CNTNAP2: variants seen among roughly 807,000 people sequenced by gnomAD.
CNTNAP2 encodes the protein contactin-associated protein-like 2.
A neutral mutation model predicts 155.2 loss-of-function variants in CNTNAP2; 98 were observed. The ratio of observed to expected loss-of-function variants is 0.63; its 90% CI spans 0.54 to 0.75. The LOEUF (loss-of-function observed/expected upper bound fraction) is 0.75. Ranked by LOEUF, CNTNAP2 falls within the 30% of genes least tolerant of loss-of-function variation. CNTNAP2 has a pLI of 0.00. For synonymous variants in CNTNAP2, 651 were observed against 631.2 expected, an observed-to-expected ratio of 1.03 and a Z score of -0.47; for missense variants, 1,727 against 1,688.1, an observed-to-expected ratio of 1.02 and a Z score of -0.40.
At chr7:146,567,131 A>C (rs1278180134) in intron 1 of CNTNAP2, among the ~76,000 whole-genome samples, 1 of 152,174 alleles carries the variant, frequency 6.6e-6, no homozygotes, top group Non-Finnish European at 1.5e-5. Flanking sequence ...GACTTCTGCC[A>C]CCCTTCTGTA....
At chr7:147,246,345 C>A (rs1398290898) in intron 8 of CNTNAP2, among the ~76,000 whole-genome samples, 1 of 152,058 alleles carries the variant, frequency 6.6e-6, no homozygotes, top group Non-Finnish European at 1.5e-5. Context: ...CCTCCCTCTA[C>A]CCTCACCTCA....
At chr7:148,056,004 C>T (rs1803000373) in intron 15 of CNTNAP2, among the ~76,000 whole-genome samples, 1 of 152,170 alleles carries the variant, frequency 6.6e-6, no homozygotes, top group Admixed American at 6.5e-5. Context: ...AGAACTCTAC[C>T]TAACAGAAAG....
chr7:146,604,266 C>T, intron 1 of CNTNAP2, among the ~76,000 whole-genome samples: 1 of 68,108 alleles, frequency 1.5e-5, no homozygotes, highest in Non-Finnish European at 2.6e-5. Flanking sequence ...GGGCGAAGGA[C>T]ATGAACAGAC....
chr7:147,268,668 T>TA (rs1006399422), intron 8 of CNTNAP2, among the ~76,000 whole-genome samples: 6 of 151,674 alleles, frequency 4.0e-5, no homozygotes, highest in Non-Finnish European at 5.9e-5. Context: ...ATAATGATAA[T>TA]AAAAAAAATA....
intron 8 of CNTNAP2, among the ~76,000 whole-genome samples, chr7:147,159,935 A>G (rs960641358): frequency 5.4e-5 from 8 of 148,014 alleles, no homozygotes; most frequent in Admixed American, 4.0e-4. Context: ...ATATGAATCA[A>G]AGTTTTTTTT....
intron 14 of CNTNAP2, among the ~76,000 whole-genome samples, chr7:147,908,359 C>A (rs1399725761): frequency 6.6e-6 from 1 of 152,172 alleles, no homozygotes; most frequent in East Asian, 1.9e-4. Flanking sequence ...TACCAGGAAG[C>A]CCCTGCTTCT....
intron 3 of CNTNAP2, among the ~76,000 whole-genome samples, chr7:146,919,697 A>T (rs1298376540): frequency 2.6e-5 from 4 of 152,178 alleles, no homozygotes; most frequent in African/African-American, 9.7e-5. Flanking sequence ...TCAAGAGCAC[A>T]TCAGCTAAGG....
At chr7:148,119,984 T>G (rs1461821949) in intron 16 of CNTNAP2, among the ~76,000 whole-genome samples, 1 of 151,936 alleles carries the variant, frequency 6.6e-6, no homozygotes. Flanking sequence ...GGATTCTTGC[T>G]TCCCTCAGTT....
chr7:146,172,565 T>G (rs1345278343), intron 1 of CNTNAP2, among the ~76,000 whole-genome samples: 1 of 152,142 alleles, frequency 6.6e-6, no homozygotes, highest in Non-Finnish European at 1.5e-5. Context: ...AGATTAATGA[T>G]TCTGACTATG....
chr7:146,615,871 G>T (rs182549960), intron 1 of CNTNAP2, among the ~76,000 whole-genome samples: 1 of 152,132 alleles, frequency 6.6e-6, no homozygotes, highest in Non-Finnish European at 1.5e-5. Context: ...TCTCAACATC[G>T]TACTGATTCC....
At chr7:148,254,337 C>G (rs1796423383) in intron 20 of CNTNAP2, among the ~76,000 whole-genome samples, 1 of 152,134 alleles carries the variant, frequency 6.6e-6, no homozygotes, top group Non-Finnish European at 1.5e-5. Context: ...CAAATTTAAA[C>G]AAATCAAACC....
chr7:147,253,553 G>T (rs1187615496), intron 8 of CNTNAP2, among the ~76,000 whole-genome samples: 1 of 152,152 alleles, frequency 6.6e-6, no homozygotes, highest in African/African-American at 2.4e-5. Flanking sequence ...GGAAACCAAA[G>T]ATCTCTGAAG....
chr7:148,407,490 GC>G (rs1799728980), intron 22 of CNTNAP2, among the ~76,000 whole-genome samples: 1 of 152,066 alleles, frequency 6.6e-6, no homozygotes, highest in Non-Finnish European at 1.5e-5. Context: ...GATCGTTTGA[GC>G]CCAGGAATTC....
intron 21 of CNTNAP2, among the ~76,000 whole-genome samples, chr7:148,345,547 AT>A (rs1234153758): frequency 1.3e-5 from 2 of 151,948 alleles, no homozygotes; most frequent in East Asian, 3.9e-4. Context: ...TATTTTTACT[AT>A]TTTACTCTAC....
At chr7:147,063,539 GC>G (rs1437700456) in intron 4 of CNTNAP2, among the ~76,000 whole-genome samples, 5 of 152,066 alleles carry the variant, frequency 3.3e-5, no homozygotes, top group African/African-American at 1.2e-4. Flanking sequence ...ATTGTTGTAT[GC>G]CCAGTGGAAC....
At chr7:147,265,533 G>A (rs1307397388) in intron 8 of CNTNAP2, among the ~76,000 whole-genome samples, 4 of 152,186 alleles carry the variant, frequency 2.6e-5, no homozygotes, top group Admixed American at 1.3e-4. Flanking sequence ...CCTAGTGGGA[G>A]GGGCAGCTGT....
chr7:146,151,668 A>ATATATATG (rs1798047972), intron 1 of CNTNAP2, among the ~76,000 whole-genome samples: 1 of 47,654 alleles, frequency 2.1e-5, no homozygotes, highest in South Asian at 7.2e-4. Flanking sequence ...ATATATATAT[A>ATATATATG]TATATATATA....
chr7:148,397,736 G>A (rs137883825), intron 22 of CNTNAP2, among the ~76,000 whole-genome samples: 26 of 152,342 alleles, frequency 1.7e-4, no homozygotes, highest in African/African-American at 5.1e-4. Flanking sequence ...ACTTTATCAC[G>A]CTATCTTTAT....
chr7:147,693,129 T>C (rs1796112697), intron 13 of CNTNAP2, among the ~76,000 whole-genome samples: 1 of 152,090 alleles, frequency 6.6e-6, no homozygotes, highest in Non-Finnish European at 1.5e-5. Context: ...TTCTTCATTT[T>C]AGTTCCTTCG....
Sources: allele counts gnomAD v4.1 joint callset (sites outside exome capture counted in the v4.1 genomes callset), GRCh38; gene constraint gnomAD v4.1.1; transcripts MANE v1.5; gene names NCBI Gene and HGNC (gene_info 2026-07-23, HGNC 2026-07-21).